The following SPNS2 variants were observed in gnomAD, a reference collection of about 807,000 sequenced individuals.
SPNS2 encodes SPNS lysolipid transporter 2, sphingosine-1-phosphate.
In SPNS2, 37 loss-of-function variants were observed where a neutral mutation model predicts 57.6. The ratio of observed to expected loss-of-function variants is 0.64; its 90% CI spans 0.49 to 0.85. SPNS2 has a LOEUF of 0.85. Ranked by LOEUF, SPNS2 falls within the 40% of genes least tolerant of loss-of-function variation. SPNS2 has a pLI of 0.00. For synonymous variants in SPNS2, 440 were observed against 346.9 expected, an observed-to-expected ratio of 1.27 and a Z score of -2.98; for missense variants, 831 against 779.1, an observed-to-expected ratio of 1.07 and a Z score of -0.79.
intron 9 of SPNS2, among the ~76,000 whole-genome samples, chr17:4,535,650 C>A (rs1486542406): frequency 6.6e-6 from 1 of 152,168 alleles, no homozygotes; most frequent in East Asian, 1.9e-4. Flanking sequence ...GGCGCCTGGG[C>A]AACCCCCAAA....
chr17:4,538,021 A>C lies in SPNS2; in HGVS notation c.*573A>C, dbSNP rs1597373540. ...GGGGATATTGGACGCAACCTGGCAA[A>C]TGAAGCTGGGCGCCCAAGTCTCTGG... On this transcript the variant is annotated 3_prime_UTR_variant, in exon 13 of 13. Coordinates refer to ENST00000329078, the MANE Select transcript of SPNS2 (RefSeq NM_001124758.3). The C allele has an allele frequency of 8.6e-6, 3 of 350,446 alleles. No individual in the cohort carries two copies. In the East Asian group the frequency reaches 2.3e-4, roughly 26 times the overall value. The allele number at this position is 350,446 out of a possible 1,614,324, so 21.7% of individuals were successfully genotyped here. A position where few individuals can be genotyped will look rare whatever the true frequency, so the allele number is the denominator to read the frequency against.
intron 7 of SPNS2, 34 bp from the exon 8 acceptor site, chr17:4,533,209 T>C (rs746414162): frequency 1.1e-5 from 18 of 1,582,230 alleles, no homozygotes; most frequent in Non-Finnish European, 1.6e-5. Flanking sequence ...CTGAGCCGCC[T>C]CAACTCGTGC....
chr17:4,530,742 G>C lies in SPNS2; in HGVS notation c.684G>C (p.Thr228=), dbSNP rs763443139. ...ACCTCTTCACCAAGAACACGCGTAC[G>C]CTCATGCTGTCCGTCTTCTACTTCG... is the stretch of plus-strand genomic sequence containing the variant. The part of the protein sequence containing the change: ...IGDLFTKNTR[T]LMLSVFYFAI... Residue 228 remains threonine, a synonymous_variant, in exon 4 of 13, where the codon ACG becomes ACC. Coordinates refer to ENST00000329078, the MANE Select transcript of SPNS2 (RefSeq NM_001124758.3). 1.2e-6 allele frequency: 2 copies of C among 1,614,004 alleles called. No homozygotes were observed. Among genetic ancestry groups the C allele is most frequent in the South Asian group, 2.2e-5 (2 of 91,072 alleles).
chr17:4,514,000 G>A (rs1597361635), intron 2 of SPNS2, among the ~76,000 whole-genome samples: 1 of 152,222 alleles, frequency 6.6e-6, no homozygotes, highest in African/African-American at 2.4e-5. Flanking sequence ...CAGCCCACCA[G>A]CCCCTCCCTC....
intron 2 of SPNS2, among the ~76,000 whole-genome samples, chr17:4,520,228 G>T (rs1186365721): frequency 6.6e-6 from 1 of 152,208 alleles, no homozygotes; most frequent in African/African-American, 2.4e-5. Context: ...GGCTGGGGCC[G>T]GTGGGTGGGG....
At chr17:4,521,332 T>C (rs924895726) in intron 2 of SPNS2, among the ~76,000 whole-genome samples, 2 of 152,210 alleles carry the variant, frequency 1.3e-5, no homozygotes, top group Non-Finnish European at 2.9e-5. Context: ...CACATTCTGA[T>C]CTGATCTCAG....
chr17:4,515,243 C>A (rs983630199), intron 2 of SPNS2, among the ~76,000 whole-genome samples: 1 of 152,210 alleles, frequency 6.6e-6, no homozygotes, highest in Non-Finnish European at 1.5e-5. Flanking sequence ...AAAGCACACA[C>A]AGGCATTGTC....
chr17:4,534,299 G>T, intron 9 of SPNS2: 1 of 216,666 alleles, frequency 4.6e-6, no homozygotes. Flanking sequence ...CTCTAGCCCA[G>T]CCAGCTGGGG....
chr17:4,528,852 C>T (rs1305614980), intron 3 of SPNS2, among the ~76,000 whole-genome samples: 1 of 152,122 alleles, frequency 6.6e-6, no homozygotes, highest in Non-Finnish European at 1.5e-5. Flanking sequence ...CAGCTCACTG[C>T]AGGCTTGACT....
chr17:4,534,992 G>C (rs73335846), intron 9 of SPNS2, among the ~76,000 whole-genome samples: 8,985 of 152,266 alleles, frequency 0.059, 321 homozygotes, highest in Admixed American at 0.1. Flanking sequence ...CGTTTCATCA[G>C]ATTCAGGCCC....
chr17:4,530,912 A>G, intron 4 of SPNS2, 129 bp downstream of exon 4: 2 of 1,466,006 alleles, frequency 1.4e-6, no homozygotes, highest in Non-Finnish European at 1.8e-6. Flanking sequence ...GTGGGCGGTC[A>G]GCCTTTGAGA....
At position 4,538,557 on chromosome 17, in the gene SPNS2, T is replaced by G; in HGVS notation, c.*1109T>G. Reference sequence around the variant, plus strand: ...CAACTTCACACCAGCCCCAACCCGCTTTGGGGGAGCTTAGCCCCCTGCGTC... The same window carrying G: ...CAACTTCACACCAGCCCCAACCCGCGTTGGGGGAGCTTAGCCCCCTGCGTC... On this transcript the variant is annotated 3_prime_UTR_variant, in exon 13 of 13. Coordinates refer to ENST00000329078, the MANE Select transcript of SPNS2 (RefSeq NM_001124758.3). 5.7e-6 allele frequency: 2 copies of G among 349,912 alleles called. No individual in the cohort carries two copies. Among genetic ancestry groups the G allele is most frequent in the Admixed American group, 4.6e-5 (1 of 21,842 alleles). The allele number at this position is 349,912 out of a possible 1,614,324, so 21.7% of individuals were successfully genotyped here.
At position 4,536,384 on chromosome 17, in the gene SPNS2, C is replaced by G; in HGVS notation, c.1565C>G (p.Thr522Ser). The G allele has an allele frequency of 6.2e-7, 1 of 1,607,522 alleles. No homozygotes were observed. Among genetic ancestry groups the G allele is most frequent in the South Asian group, 1.1e-5 (1 of 91,088 alleles). Residue 522 changes from threonine to serine, a missense_variant, in exon 11 of 13, where the codon ACT (threonine) becomes AGT (serine). This residue lies in a region of SPNS2 where 526 missense variants were observed against 400.9 expected (regional missense o/e 1.31). Transcript: ENST00000329078. ...CTGGGCGGCATGTTCTTCCTCGCCA[C>G]TGCGCTCTTCTTCGTCAGCGACCGC... ...VVLGGMFFLA[T>S]ALFFVSDRAR...
In SPNS2 at chr17:4,516,316, CAAAAAA is replaced by C. The variant is rs67710825; in HGVS notation, c.436+3026_436+3031del. Among the ~76,000 whole-genome samples, 42 of 67,428 alleles carry C rather than the reference CAAAAAA, an allele frequency of 6.2e-4. 1 individual carries two copies. The highest frequency in any genetic ancestry group is 2.6e-3 in the East Asian group (3 of 1,146). 44.2% of individuals were successfully genotyped at this position (67,428 alleles called of 152,430 possible). A position where few individuals can be genotyped will look rare whatever the true frequency, so the allele number is the denominator to read the frequency against. On this transcript the variant is annotated intron_variant, in intron 2 of 12. Coordinates refer to ENST00000329078, the MANE Select transcript of SPNS2 (RefSeq NM_001124758.3). ...GTGACAGAGTGAGACTCTATCTCCC[CAAAAAA>C]AAAAAAAAAAAAAAAAAAAAACAAA...
At position 4,537,059 on chromosome 17, in the gene SPNS2, C is replaced by T. The variant is rs962351539; in HGVS notation, c.*4+113C>T. The T allele has an allele frequency of 1.8e-5, 21 of 1,156,278 alleles. No individual in the cohort carries two copies. The Admixed American group carries it at 4.8e-4, about 26-fold the overall frequency. 71.6% of individuals were successfully genotyped at this position (1,156,278 alleles called of 1,614,324 possible). On this transcript the variant is annotated intron_variant, in intron 12 of 12. Coordinates refer to ENST00000329078, the MANE Select transcript of SPNS2 (RefSeq NM_001124758.3). ...TCACCTCCTACCCCAGCACATCCCA[C>T]CAACTCTGGGCTTTGTCTCTGAAGA... is the stretch of plus-strand genomic sequence containing the variant.
intron 2 of SPNS2, among the ~76,000 whole-genome samples, chr17:4,514,644 G>C (rs992363769): frequency 1.2e-4 from 18 of 152,302 alleles, no homozygotes; most frequent in Admixed American, 1.0e-3. Context: ...TGCCCTGGCA[G>C]ACATCATGTT....
rs527450513 is a variant in SPNS2, at chr17:4,513,139, G to A, written c.371-108G>A. 8.3e-4 allele frequency: 1,033 copies of A among 1,248,322 alleles called. 2 individuals are homozygous for A. The highest frequency in any genetic ancestry group is 1.0e-3 in the Non-Finnish European group (854 of 857,834). The allele number at this position is 1,248,322 out of a possible 1,614,324, so 77.3% of individuals were successfully genotyped here. ...GAGGTCGCAGCAGAGCAGGAGTGCC[G>A]CAGATATGGCCAGGCTGGGCCCTGC... is the stretch of plus-strand genomic sequence containing the variant. On this transcript the variant is annotated intron_variant, in intron 1 of 12. Transcript: ENST00000329078.
chr17:4,532,450 C>T, intron 5 of SPNS2, 92 bp from the exon 6 acceptor site: 1 of 1,569,520 alleles, frequency 6.4e-7, no homozygotes, highest in Non-Finnish European at 8.7e-7. Context: ...GCCTATGGCC[C>T]AGAGAAGGCA....
Position 4,533,371 on chromosome 17 carries a change from G to C in SPNS2, c.1217G>C (p.Gly406Ala). ...CTGGTGTGTGCCGTGGGCATGCTGG[G>C]CTCTGCCATCTTCATCTGCCTGATC... ...DPLVCAVGMLGSAIFICLIFV... is the reference protein window; with the variant it reads ...DPLVCAVGMLASAIFICLIFV... The change falls in exon 8 of 13, where the codon GGC becomes GCC. Residue 406 changes from glycine (G) to alanine (A), a missense_variant. Gly to Ala is a moderately conservative substitution (Grantham distance 60). Coordinates refer to ENST00000329078, the MANE Select transcript of SPNS2 (RefSeq NM_001124758.3). The C allele has an allele frequency of 6.2e-7, 1 of 1,611,332 alleles. No individual in the cohort carries two copies. The highest frequency in any genetic ancestry group is 1.1e-5 in the South Asian group (1 of 91,010).
Sources: gnomAD v4.1 joint callset for allele counts (sites outside exome capture counted in the v4.1 genomes callset) on GRCh38, gnomAD v4.1.1 for gene constraint, gnomAD v4.1.1 regional missense constraint, MANE v1.5 for transcripts, NCBI Gene and HGNC (gene_info 2026-07-23, HGNC 2026-07-21) for gene names.